The following CDH10 variants were observed in gnomAD, a reference collection of about 807,000 sequenced individuals.
The protein encoded by CDH10 is cadherin-10.
In CDH10, 30 loss-of-function variants were observed where a neutral mutation model predicts 73.1. That is an observed-to-expected ratio of 0.41 (90% confidence interval 0.31 to 0.56). The LOEUF (loss-of-function observed/expected upper bound fraction) is 0.56, where lower values mean the gene tolerates loss of function less well. Ranked by LOEUF, CDH10 falls within the 20% of genes least tolerant of loss-of-function variation. The pLI, the probability that CDH10 is intolerant of heterozygous loss-of-function variation, is 0.27. For synonymous variants in CDH10, 345 were observed against 348.2 expected (o/e 0.99, Z 0.10); for missense variants, 815 against 973.7 (o/e 0.84, Z 2.17).
intron 5 of CDH10, among the ~76,000 whole-genome samples, chr5:24,512,024 T>G (rs1742933557): frequency 6.6e-6 from 1 of 151,984 alleles, no homozygotes; most frequent in Admixed American, 6.6e-5. Flanking sequence ...AGAAAAACAA[T>G]AATTACTGGG....
chr5:24,521,580 C>T (rs771008453), intron 5 of CDH10, among the ~76,000 whole-genome samples: 3 of 151,350 alleles, frequency 2.0e-5, no homozygotes, highest in African/African-American at 7.3e-5. Flanking sequence ...CCATTGCACT[C>T]GAGCCTGGGC....
chr5:24,597,075 C>CA (rs1335701332), intron 1 of CDH10, among the ~76,000 whole-genome samples: 1 of 151,836 alleles, frequency 6.6e-6, no homozygotes, highest in Non-Finnish European at 1.5e-5. Flanking sequence ...AAAATATTTT[C>CA]AAAACTACAT....
intron 9 of CDH10, among the ~76,000 whole-genome samples, chr5:24,495,393 G>C (rs182268986): frequency 6.6e-6 from 1 of 152,162 alleles, no homozygotes; most frequent in Non-Finnish European, 1.5e-5. Flanking sequence ...AAATCAACTT[G>C]AGGAATGTTT....
At chr5:24,590,606 G>A (rs1185147227) in intron 2 of CDH10, among the ~76,000 whole-genome samples, 4 of 152,038 alleles carry the variant, frequency 2.6e-5, no homozygotes, top group Admixed American at 6.6e-5. Context: ...TGGGATTTTC[G>A]TTTTGCTTTA....
chr5:24,508,694 T>G (rs377365288), intron 7 of CDH10, among the ~76,000 whole-genome samples: 1 of 148,342 alleles, frequency 6.7e-6, no homozygotes, highest in Non-Finnish European at 1.5e-5. Flanking sequence ...AATTTTTTAA[T>G]TTTTTATAGA....
intron 2 of CDH10, among the ~76,000 whole-genome samples, chr5:24,541,329 G>A (rs558446179): frequency 6.6e-6 from 1 of 151,728 alleles, no homozygotes; most frequent in African/African-American, 2.4e-5. Flanking sequence ...TTCAACAGTT[G>A]TTCTGGTATT....
intron 9 of CDH10, among the ~76,000 whole-genome samples, chr5:24,496,743 T>G (rs1341971864): frequency 6.6e-5 from 10 of 151,526 alleles, no homozygotes; most frequent in Non-Finnish European, 1.5e-4. Context: ...AGAAGGAGAG[T>G]CAGAGCTAAC....
At chr5:24,593,195 A>T (rs1296148608) in intron 2 of CDH10, 65 bp downstream of exon 2, 3 of 904,552 alleles carry the variant, frequency 3.3e-6, no homozygotes, top group Non-Finnish European at 5.3e-6. Context: ...GATGACCTTC[A>T]AATTTTCATC....
At chr5:24,538,572 A>G (rs993753128) in intron 2 of CDH10, among the ~76,000 whole-genome samples, 1 of 152,096 alleles carries the variant, frequency 6.6e-6, no homozygotes, top group Non-Finnish European at 1.5e-5. Flanking sequence ...ATGTGTCATG[A>G]ACAAATTCCA....
At chr5:24,617,849 T>G (rs17521324) in intron 1 of CDH10, among the ~76,000 whole-genome samples, 20,632 of 152,170 alleles carry the variant, frequency 0.14, 1,533 homozygotes, top group South Asian at 0.19. Context: ...TCATTATCAA[T>G]ATAACCGTAA....
At chr5:24,551,153 G>T (rs1312414555) in intron 2 of CDH10, among the ~76,000 whole-genome samples, 1 of 152,038 alleles carries the variant, frequency 6.6e-6, no homozygotes, top group Non-Finnish European at 1.5e-5. Context: ...AGCCTAAACT[G>T]GCCTTTCTGT....
intron 5 of CDH10, among the ~76,000 whole-genome samples, chr5:24,529,226 A>C (rs887712601): frequency 3.9e-5 from 6 of 151,972 alleles, no homozygotes; most frequent in African/African-American, 1.4e-4. Context: ...CATTCAGACA[A>C]AACAAACAAA....
chr5:24,614,235 C>A (rs988742480), intron 1 of CDH10, among the ~76,000 whole-genome samples: 1 of 152,108 alleles, frequency 6.6e-6, no homozygotes, highest in Non-Finnish European at 1.5e-5. Context: ...TATATCCTTG[C>A]AATGAACATT....
chr5:24,569,789 G>T (rs1181660739), intron 2 of CDH10, among the ~76,000 whole-genome samples: 2 of 150,446 alleles, frequency 1.3e-5, no homozygotes, highest in Non-Finnish European at 3.0e-5. Context: ...TATTGATGGA[G>T]TCTTGCTCTG....
At chr5:24,543,150 A>G (rs2111918788) in intron 2 of CDH10, among the ~76,000 whole-genome samples, 1 of 152,246 alleles carries the variant, frequency 6.6e-6, no homozygotes, top group South Asian at 2.1e-4. Context: ...AAAAATAAAG[A>G]AAAAAAGTTG....
In CDH10 at chr5:24,499,017, C is replaced by G. The variant is rs867488765; in HGVS notation, c.1394-498G>C. On this transcript the variant is annotated intron_variant, in intron 8 of 11. Transcript: ENST00000264463. ...TGGAAGGGGACCTGAGCGGGTTGCC[C>G]GAAGAAATAGTTTTAAATAAATTGG... Among the ~76,000 whole-genome samples, 222 of 152,002 alleles carry G rather than the reference C, an allele frequency of 1.5e-3. 1 individual carries two copies. Among genetic ancestry groups the G allele is most frequent in the African/African-American group, 5.1e-3 (210 of 41,470 alleles).
At chr5:24,571,251 C>A (rs1579824358) in intron 2 of CDH10, among the ~76,000 whole-genome samples, 1 of 151,940 alleles carries the variant, frequency 6.6e-6, no homozygotes, top group South Asian at 2.1e-4. Context: ...TCACGATGAG[C>A]CTTGAAGATT....
At chr5:24,626,140 T>C (rs1468499290) in intron 1 of CDH10, among the ~76,000 whole-genome samples, 1 of 152,092 alleles carries the variant, frequency 6.6e-6, no homozygotes, top group East Asian at 1.9e-4. Context: ...GCCATTCAAA[T>C]TCATGTTAAT....
At chr5:24,589,173 C>T (rs780015548) in intron 2 of CDH10, among the ~76,000 whole-genome samples, 1 of 152,086 alleles carries the variant, frequency 6.6e-6, no homozygotes, top group Non-Finnish European at 1.5e-5. Flanking sequence ...GGAATAAACA[C>T]TTCATGCATA....
Sources: gnomAD v4.1 joint callset for allele counts (sites outside exome capture counted in the v4.1 genomes callset) on GRCh38, gnomAD v4.1.1 for gene constraint, MANE v1.5 for transcripts, NCBI Gene and HGNC (gene_info 2026-07-23, HGNC 2026-07-21) for gene names.